SUGCT: variants seen among roughly 807,000 people sequenced by gnomAD.
SUGCT encodes succinyl-CoA:glutarate CoA-transferase.
Under a neutral mutation model 55.0 loss-of-function variants are expected in SUGCT, and 41 were observed. That is an observed-to-expected ratio of 0.74 (90% CI 0.58 to 0.97). The LOEUF is 0.97. Among genes scored for constraint, SUGCT ranks in the 50% least tolerant of loss-of-function variants. SUGCT has a pLI of 0.00. For synonymous variants in SUGCT, 187 were observed against 200.4 expected (o/e 0.93, Z 0.56); for missense variants, 568 against 547.8 (o/e 1.04, Z -0.37).
chr7:40,713,826 CA>C (rs1035105575), intron 12 of SUGCT, among the ~76,000 whole-genome samples: 3 of 152,162 alleles, frequency 2.0e-5, no homozygotes, highest in African/African-American at 7.2e-5. Context: ...GTCCCTCTCC[CA>C]ATGCTCCCCA....
At position 40,418,701 on chromosome 7, in the gene SUGCT, C is replaced by T. The variant is rs1057135330; in HGVS notation, c.817-30586C>T. On this transcript the variant is annotated intron_variant, in intron 9 of 13. Coordinates refer to ENST00000335693, the MANE Select transcript of SUGCT (RefSeq NM_001193313.2). The stretch of plus-strand genomic sequence containing the variant: ...GGGTTCTCAGCAGGCCCATTACAAG[C>T]GGGATGTGGCCTGGACAGGCAGTGA... 3.3e-5 allele frequency among the ~76,000 whole-genome samples: 5 copies of T among 152,040 alleles called. No individual in the cohort carries two copies. In the South Asian group the frequency reaches 8.3e-4, roughly 25 times the overall value.
chr7:40,574,343 G>T (rs890020277), intron 12 of SUGCT, among the ~76,000 whole-genome samples: 1 of 152,108 alleles, frequency 6.6e-6, no homozygotes. Flanking sequence ...CATAACTTAA[G>T]ACTGTTTTAA....
At chr7:40,271,411 A>T (rs1283657552) in intron 7 of SUGCT, among the ~76,000 whole-genome samples, 2 of 152,096 alleles carry the variant, frequency 1.3e-5, no homozygotes, top group Non-Finnish European at 2.9e-5. Context: ...TATAGGAATG[A>T]GCCTTCGTGC....
At chr7:40,952,870 C>T in the SUGCT span, among the ~76,000 whole-genome samples, 49 of 152,346 alleles carry the variant, frequency 3.2e-4, no homozygotes, top group Admixed American at 2.7e-3. Flanking sequence ...ACCTTTCTCT[C>T]TGGCTGCCCT....
At chr7:40,377,592 A>G (rs1784668924) in intron 9 of SUGCT, among the ~76,000 whole-genome samples, 1 of 152,062 alleles carries the variant, frequency 6.6e-6, no homozygotes, top group African/African-American at 2.4e-5. Flanking sequence ...GTGTGCAAGT[A>G]TGCAGTTATT....
chr7:40,675,236 T>C, intron 12 of SUGCT, among the ~76,000 whole-genome samples: 1 of 152,008 alleles, frequency 6.6e-6, no homozygotes, highest in South Asian at 2.1e-4. Context: ...AATTTTTGTA[T>C]TTTTAGTAGA....
intron 10 of SUGCT, 53 bp from the exon 11 acceptor site, chr7:40,459,048 C>A: frequency 2.6e-6 from 3 of 1,144,064 alleles, no homozygotes; most frequent in Non-Finnish European, 2.6e-6. Context: ...CACCCACAGG[C>A]AGGTACAAGA....
At chr7:40,230,117 C>T (rs1788634258) in intron 6 of SUGCT, among the ~76,000 whole-genome samples, 1 of 152,160 alleles carries the variant, frequency 6.6e-6, no homozygotes. Context: ...TCTTAGTCCT[C>T]TTTGAAACCT....
At chr7:40,241,931 A>AC (rs1789426485) in intron 7 of SUGCT, among the ~76,000 whole-genome samples, 1 of 151,396 alleles carries the variant, frequency 6.6e-6, no homozygotes, top group African/African-American at 2.4e-5. Flanking sequence ...AAAAAAAAAA[A>AC]AAAACCGTCT....
At chr7:40,438,013 T>C (rs950536885) in intron 9 of SUGCT, among the ~76,000 whole-genome samples, 3 of 152,122 alleles carry the variant, frequency 2.0e-5, no homozygotes, top group Admixed American at 1.3e-4. Flanking sequence ...TTTTTTCTTT[T>C]CCCACTTGAT....
chr7:40,483,860 A>G (rs17434086), intron 11 of SUGCT, among the ~76,000 whole-genome samples: 1,798 of 152,334 alleles, frequency 0.012, 15 homozygotes, highest in Admixed American at 0.029. Context: ...AATATTGAGC[A>G]TGGTGGAAGT....
At chr7:40,615,416 T>C (rs904436645) in intron 12 of SUGCT, among the ~76,000 whole-genome samples, 1 of 152,118 alleles carries the variant, frequency 6.6e-6, no homozygotes, top group Admixed American at 6.5e-5. Context: ...TGTGGTGTTA[T>C]GTTAATTCAT....
Position 40,189,569 on chromosome 7 carries a change from C to G in SUGCT, c.338C>G (p.Pro113Arg). Reference sequence around the variant, plus strand: ...AGTATTGCTGTTAATATCAAGGATCCAAAAGGGGTGAAAATCATCAAAGAG... The same window carrying G: ...AGTATTGCTGTTAATATCAAGGATCGAAAAGGGGTGAAAATCATCAAAGAG... ...KKSIAVNIKDPKGVKIIKELA... is the reference protein window; with the variant it reads ...KKSIAVNIKDRKGVKIIKELA... Residue 113 changes from proline (P) to arginine (R), a missense_variant, in exon 5 of 14, where the codon CCA becomes CGA. Pro to Arg is a moderately radical substitution (Grantham distance 103, BLOSUM62 -2). Transcript: ENST00000335693. The G allele has an allele frequency of 7.2e-7, 1 of 1,388,758 alleles. No individual in the cohort carries two copies. The highest frequency in any genetic ancestry group is 1.7e-5 in the South Asian group (1 of 57,640). The allele number at this position is 1,388,758 out of a possible 1,614,324, so 86.0% of individuals were successfully genotyped here.
chr7:40,607,474 T>C (rs1798583817), intron 12 of SUGCT, among the ~76,000 whole-genome samples: 1 of 152,202 alleles, frequency 6.6e-6, no homozygotes, highest in African/African-American at 2.4e-5. Context: ...TTCCCAGTCT[T>C]ATTTGATGGC....
chr7:40,259,096 A>G (rs1287493249), intron 7 of SUGCT, among the ~76,000 whole-genome samples: 3 of 152,204 alleles, frequency 2.0e-5, no homozygotes, highest in Non-Finnish European at 4.4e-5. Context: ...TCACTTATAT[A>G]TGGAATCCGA....
At chr7:40,471,765 T>C (rs1390433909) in intron 11 of SUGCT, among the ~76,000 whole-genome samples, 1 of 152,044 alleles carries the variant, frequency 6.6e-6, no homozygotes, top group Non-Finnish European at 1.5e-5. Context: ...ATTCTAATGT[T>C]AAAGCAACAT....
the SUGCT span, among the ~76,000 whole-genome samples, chr7:40,879,392 G>A: frequency 6.6e-6 from 1 of 152,108 alleles, no homozygotes; most frequent in African/African-American, 2.4e-5. Context: ...AGCAAATCCA[G>A]GCATCATGTC....
the SUGCT span, among the ~76,000 whole-genome samples, chr7:40,943,085 T>C: frequency 6.6e-6 from 1 of 151,990 alleles, no homozygotes; most frequent in Non-Finnish European, 1.5e-5. Flanking sequence ...TTGGTCTGTA[T>C]GCATTGTTAG....
intron 6 of SUGCT, among the ~76,000 whole-genome samples, chr7:40,195,394 T>C (rs1786205703): frequency 6.6e-6 from 1 of 151,886 alleles, no homozygotes; most frequent in Admixed American, 6.6e-5. Context: ...AGCTAATTTT[T>C]GTATTTTTAG....
Sources: gnomAD v4.1 joint callset for allele counts (sites outside exome capture counted in the v4.1 genomes callset) on GRCh38, gnomAD v4.1.1 for gene constraint, MANE v1.5 for transcripts, NCBI Gene and HGNC (gene_info 2026-07-23, HGNC 2026-07-21) for gene names.